Variants in MYOF observed in about 807,000 individuals in gnomAD.
MYOF encodes the protein myoferlin, also known as fer-1-like 3, myoferlin.
A neutral mutation model predicts 284.2 loss-of-function variants in MYOF; 244 were observed. The observed-to-expected ratio is 0.86, with a 90% CI of 0.77 to 0.95. The LOEUF is 0.95. MYOF is among the 40% of genes least tolerant of loss of function. The probability of loss-of-function intolerance (pLI) is 0.00; values close to 1 mark genes in which losing one functional copy is unlikely to be tolerated. For synonymous variants in MYOF, 904 were observed against 919.7 expected, an observed-to-expected ratio of 0.98 and a Z score of 0.31; for missense variants, 2,496 against 2,560.6, an observed-to-expected ratio of 0.97 and a Z score of 0.54.
chr10:93,392,622 AAAC>A (rs1392293737), intron 17 of MYOF, among the ~76,000 whole-genome samples: 2 of 152,224 alleles, frequency 1.3e-5, no homozygotes, highest in Non-Finnish European at 2.9e-5. Flanking sequence ...TACTGAACAT[AAAC>A]AATAACAGAA....
intron 1 of MYOF, among the ~76,000 whole-genome samples, chr10:93,468,595 G>T (rs1209648926): frequency 6.6e-6 from 1 of 152,208 alleles, no homozygotes. Context: ...TTGATAATTA[G>T]ATCCTATCCC....
intron 19 of MYOF, among the ~76,000 whole-genome samples, chr10:93,386,455 T>C (rs542074030): frequency 1.1e-3 from 165 of 152,342 alleles, no homozygotes; most frequent in Non-Finnish European, 2.0e-3. Flanking sequence ...TAGTAATTCA[T>C]GGGGAAGAAC....
chr10:93,420,494 A>G (rs78167310), intron 5 of MYOF, among the ~76,000 whole-genome samples: 7,748 of 152,286 alleles, frequency 0.051, 631 homozygotes, highest in African/African-American at 0.18. Context: ...ACCTTTTGTC[A>G]TCTTCATATA....
intron 1 of MYOF, among the ~76,000 whole-genome samples, chr10:93,474,703 AAC>A (rs2057221209): frequency 6.6e-6 from 1 of 152,152 alleles, no homozygotes; most frequent in Admixed American, 6.6e-5. Flanking sequence ...TTAATCCTCA[AAC>A]AGCCCTGCAA....
chr10:93,477,357 T>A (rs2057286311), intron 1 of MYOF, among the ~76,000 whole-genome samples: 1 of 151,536 alleles, frequency 6.6e-6, no homozygotes, highest in Admixed American at 6.6e-5. Flanking sequence ...CCGGGTGTGG[T>A]GGCGCATGCC....
chr10:93,314,869 CA>C (rs1842548342), intron 50 of MYOF, among the ~76,000 whole-genome samples: 1 of 151,976 alleles, frequency 6.6e-6, no homozygotes, highest in Admixed American at 6.6e-5. Context: ...GGCAACATGG[CA>C]AAACCCTGTC....
chr10:93,472,261 A>G (rs377112416), intron 1 of MYOF, among the ~76,000 whole-genome samples: 1 of 152,356 alleles, frequency 6.6e-6, no homozygotes, highest in East Asian at 1.9e-4. Flanking sequence ...ATAAAGAAGA[A>G]AAAAAGAAGT....
At chr10:93,399,563 T>C (rs1371459337) in intron 12 of MYOF, 68 bp from the exon 13 acceptor site, 5 of 1,127,806 alleles carry the variant, frequency 4.4e-6, no homozygotes, top group Non-Finnish European at 6.5e-6. Context: ...ATTTTAAAAG[T>C]TCTCTTATAC....
At chr10:93,328,133 G>T (rs984381113) in intron 45 of MYOF, among the ~76,000 whole-genome samples, 2 of 152,084 alleles carry the variant, frequency 1.3e-5, no homozygotes, top group Admixed American at 6.6e-5. Flanking sequence ...TTTTCTTCCT[G>T]TGCACGTTTG....
intron 43 of MYOF, 76 bp from the exon 44 acceptor site, chr10:93,329,910 G>A: frequency 6.8e-7 from 1 of 1,474,996 alleles, no homozygotes; most frequent in South Asian, 1.2e-5. Context: ...TCTGTGCACA[G>A]AATTCCCAGG....
chr10:93,394,890 G>A (rs1234855039), intron 16 of MYOF, among the ~76,000 whole-genome samples: 1 of 149,952 alleles, frequency 6.7e-6, no homozygotes, highest in Non-Finnish European at 1.5e-5. Flanking sequence ...TACATATAGT[G>A]TGTATATATA....
intron 5 of MYOF, among the ~76,000 whole-genome samples, chr10:93,415,224 G>A (rs566553297): frequency 6.7e-4 from 101 of 151,582 alleles, no homozygotes; most frequent in African/African-American, 2.1e-3. Flanking sequence ...CATGCCCCTC[G>A]ATCCCTTTCC....
At chr10:93,370,640 G>A (rs1339552956) in intron 24 of MYOF, among the ~76,000 whole-genome samples, 1 of 151,972 alleles carries the variant, frequency 6.6e-6, no homozygotes, top group Non-Finnish European at 1.5e-5. Flanking sequence ...ATTAAATCTC[G>A]ACCCTTGAAT....
chr10:93,387,330 C>A (rs1285738372), intron 19 of MYOF, among the ~76,000 whole-genome samples: 2 of 152,194 alleles, frequency 1.3e-5, no homozygotes, highest in African/African-American at 2.4e-5. Flanking sequence ...AACACACAGG[C>A]ATCGACCTGG....
At chr10:93,378,149 C>A (rs948574706) in intron 21 of MYOF, among the ~76,000 whole-genome samples, 2 of 152,140 alleles carry the variant, frequency 1.3e-5, no homozygotes, top group African/African-American at 4.8e-5. Context: ...AAGATAAGCT[C>A]AAAACATATG....
At chr10:93,359,601 T>G (rs1451436062) in intron 29 of MYOF, among the ~76,000 whole-genome samples, 1 of 152,326 alleles carries the variant, frequency 6.6e-6, no homozygotes, top group Non-Finnish European at 1.5e-5. Context: ...TACAGATGGC[T>G]GGGCCTGCCC....
intron 13 of MYOF, among the ~76,000 whole-genome samples, chr10:93,397,846 T>A (rs1847096144): frequency 1.3e-5 from 2 of 152,000 alleles, no homozygotes; most frequent in Admixed American, 1.3e-4. Flanking sequence ...AACTGACTCT[T>A]GTTCCAGTCT....
chr10:93,407,899 C>T (rs1847689915), intron 7 of MYOF, among the ~76,000 whole-genome samples: 1 of 152,078 alleles, frequency 6.6e-6, no homozygotes, highest in South Asian at 2.1e-4. Flanking sequence ...CCCTCAGAGA[C>T]ACCCTGCTAA....
At chr10:93,309,246 G>C (rs946595775) in intron 53 of MYOF, among the ~76,000 whole-genome samples, 5 of 152,154 alleles carry the variant, frequency 3.3e-5, no homozygotes, top group African/African-American at 1.2e-4. Context: ...TTGTTCCCGT[G>C]GCTGCCTGTT....
Sources: gnomAD v4.1 joint callset for allele counts (sites outside exome capture counted in the v4.1 genomes callset) on GRCh38, gnomAD v4.1.1 for gene constraint, MANE v1.5 for transcripts, NCBI Gene and HGNC (gene_info 2026-07-23, HGNC 2026-07-21) for gene names.